Variants in HHAT observed in about 807,000 individuals in gnomAD.
HHAT encodes the protein hedgehog acyltransferase, also known as protein-cysteine N-palmitoyltransferase HHAT.
HHAT carries 47 observed loss-of-function variants against 70.8 expected under a neutral mutation model. The ratio of observed to expected loss-of-function variants is 0.66; its 90% CI spans 0.53 to 0.85. The LOEUF is 0.85. Among genes scored for constraint, HHAT ranks in the 40% least tolerant of loss-of-function variants. HHAT has a pLI of 0.00. For synonymous variants in HHAT, 228 were observed against 247.6 expected (o/e 0.92, Z 0.74); for missense variants, 609 against 604.8 (o/e 1.01, Z -0.07).
intron 10 of HHAT, chr1:210,588,598 T>C (rs1437470526): frequency 1.3e-5 from 2 of 153,210 alleles, no homozygotes; most frequent in African/African-American, 4.8e-5. Context: ...AGTAATCATA[T>C]TATTCTAAAG....
intron 10 of HHAT, among the ~76,000 whole-genome samples, chr1:210,595,736 A>G (rs554023089): frequency 1.3e-5 from 2 of 151,870 alleles, no homozygotes; most frequent in African/African-American, 4.8e-5. Flanking sequence ...GCATTTTTTC[A>G]TGTGTCTTTT....
chr1:210,409,975 C>T (rs2092469647), intron 6 of HHAT, among the ~76,000 whole-genome samples: 1 of 152,024 alleles, frequency 6.6e-6, no homozygotes, highest in African/African-American at 2.4e-5. Context: ...TGCATGCAGG[C>T]AAGAGAGCCG....
At chr1:210,554,562 AAGTGTGCATG>A (rs1478347577) in intron 9 of HHAT, among the ~76,000 whole-genome samples, 2 of 152,116 alleles carry the variant, frequency 1.3e-5, no homozygotes, top group African/African-American at 4.8e-5. Flanking sequence ...GGTGCTGTGA[AAGTGTGCATG>A]AGTGTGCAAT....
chr1:210,351,475 G>A (rs1472036430), intron 2 of HHAT, among the ~76,000 whole-genome samples: 1 of 152,194 alleles, frequency 6.6e-6, no homozygotes, highest in Non-Finnish European at 1.5e-5. Context: ...TGTTCTTTCT[G>A]CATCTCTTGA....
intron 3 of HHAT, chr1:210,374,043 C>CT (rs1300136628): frequency 6.6e-6 from 1 of 152,202 alleles, no homozygotes; most frequent in Non-Finnish European, 1.5e-5. Flanking sequence ...AGTTAACTGT[C>CT]TTTGCAAGTT....
chr1:210,376,052 A>G (rs1489270365), intron 3 of HHAT, among the ~76,000 whole-genome samples: 2 of 114,416 alleles, frequency 1.7e-5, no homozygotes, highest in African/African-American at 3.4e-5. Flanking sequence ...TTTACTAGAT[A>G]GGGGGTTTTG....
At chr1:210,363,303 G>T (rs1441132249) in intron 3 of HHAT, among the ~76,000 whole-genome samples, 1 of 152,204 alleles carries the variant, frequency 6.6e-6, no homozygotes, top group African/African-American at 2.4e-5. Flanking sequence ...GTCCCTGGCT[G>T]TCCATGCTGC....
At chr1:210,455,600 C>A (rs578008460) in intron 7 of HHAT, among the ~76,000 whole-genome samples, 1 of 152,074 alleles carries the variant, frequency 6.6e-6, no homozygotes, top group East Asian at 1.9e-4. Context: ...AAGTTCCGAC[C>A]CTGCCACTTG....
At chr1:210,349,695 C>T (rs1384136136) in intron 2 of HHAT, among the ~76,000 whole-genome samples, 1 of 151,154 alleles carries the variant, frequency 6.6e-6, no homozygotes, top group East Asian at 1.9e-4. Context: ...TCTTGTCGCC[C>T]AGGCTAGAGC....
intron 8 of HHAT, among the ~76,000 whole-genome samples, chr1:210,482,390 C>T (rs537209687): frequency 7.2e-5 from 11 of 152,286 alleles, no homozygotes; most frequent in African/African-American, 2.6e-4. Flanking sequence ...CTAATTGAAG[C>T]TTTAGTTTCT....
intron 9 of HHAT, among the ~76,000 whole-genome samples, chr1:210,565,587 A>C (rs899172312): frequency 3.3e-5 from 5 of 152,204 alleles, no homozygotes. Context: ...ATCTAAAAAA[A>C]CAGAAACGAT....
At chr1:210,565,231 G>A (rs1654398783) in intron 9 of HHAT, among the ~76,000 whole-genome samples, 1 of 152,216 alleles carries the variant, frequency 6.6e-6, no homozygotes. Flanking sequence ...TATGGTTCGG[G>A]AAGGAGAGGG....
intron 9 of HHAT, among the ~76,000 whole-genome samples, chr1:210,548,311 T>A (rs2095501309): frequency 6.6e-6 from 1 of 152,182 alleles, no homozygotes; most frequent in African/African-American, 2.4e-5. Context: ...GCTTTAAGGG[T>A]GCGTTGTTGG....
intron 8 of HHAT, among the ~76,000 whole-genome samples, chr1:210,504,481 G>C (rs1019008342): frequency 6.6e-6 from 1 of 152,238 alleles, no homozygotes; most frequent in Non-Finnish European, 1.5e-5. Flanking sequence ...GGTAGAGCCA[G>C]AATCCAGATC....
At chr1:210,597,736 C>G (rs907708458) in intron 10 of HHAT, among the ~76,000 whole-genome samples, 1 of 152,084 alleles carries the variant, frequency 6.6e-6, no homozygotes, top group Non-Finnish European at 1.5e-5. Context: ...ACAGTAGGCT[C>G]CCTTCTAGTC....
In HHAT at chr1:210,387,596, G is replaced by T; in HGVS notation, c.273+15G>T. 6.3e-7 allele frequency: 1 copy of T among 1,580,110 alleles called. No homozygotes were observed. The highest frequency in any genetic ancestry group is 8.7e-7 in the Non-Finnish European group (1 of 1,149,232). ...TGGCAAGAAAGGTATGATTATATGT[G>T]TTGTTACCTTTTAAGTGTGTTTTTC... is the stretch of plus-strand genomic sequence containing the variant. On this transcript the variant is annotated intron_variant, in intron 4 of 11. Coordinates refer to ENST00000261458, the MANE Select transcript of HHAT (RefSeq NM_018194.6).
chr1:210,461,625 T>A (rs2093981406), intron 7 of HHAT, among the ~76,000 whole-genome samples: 1 of 152,162 alleles, frequency 6.6e-6, no homozygotes, highest in Non-Finnish European at 1.5e-5. Context: ...TTCAAAGGGA[T>A]AATGAAAATC....
chr1:210,349,592 C>T (rs1040993802), intron 2 of HHAT, among the ~76,000 whole-genome samples: 3 of 151,500 alleles, frequency 2.0e-5, no homozygotes, highest in East Asian at 1.9e-4. Context: ...CTGAGTCCCA[C>T]GGGCACAGCT....
chr1:210,568,224 T>C lies in HHAT; in HGVS notation c.1044-19674T>C, dbSNP rs1056940373. Among the ~76,000 whole-genome samples the C allele has an allele frequency of 3.3e-5, 5 of 152,356 alleles. No individual in the cohort carries two copies. The East Asian group carries it at 5.8e-4, about 18-fold the overall frequency. On this transcript the variant is annotated intron_variant, in intron 9 of 11. Coordinates refer to ENST00000261458, the MANE Select transcript of HHAT (RefSeq NM_018194.6). ...TGATGAACTTCCAGATAGCTAAACA[T>C]GTGAAGGCTCTTGGAGGGTGGTACA...
Sources: allele counts gnomAD v4.1 joint callset (sites outside exome capture counted in the v4.1 genomes callset), GRCh38; gene constraint gnomAD v4.1.1; transcripts MANE v1.5; gene names NCBI Gene and HGNC (gene_info 2026-07-23, HGNC 2026-07-21).